TMEM236: variants seen among roughly 807,000 people sequenced by gnomAD.
TMEM236 encodes family with sequence similarity 23, member A.
In TMEM236, 11 loss-of-function variants were observed where a neutral mutation model predicts 14.7. The observed-to-expected ratio is 0.75, with a 90% CI of 0.47 to 1.24. The LOEUF is 1.24. Among genes scored for constraint, TMEM236 ranks in the 50% most tolerant of loss-of-function variants. TMEM236 has a pLI of 0.00. For missense variants in TMEM236, 464 were observed against 427.3 expected, an observed-to-expected ratio of 1.09 and a Z score of -0.76; for synonymous variants, 182 against 168.6, an observed-to-expected ratio of 1.08 and a Z score of -0.62.
chr10:17,796,368 G>GTT lies in TMEM236; in HGVS notation c.922_923dup (p.Leu308PhefsTer2). ...TTACCATTCGTTTTTGTTAGACTTG[G>GTT]TTTAATCATTGCCCTGGGGACTATC... On this transcript the variant is annotated frameshift_variant, in exon 4 of 4. Coordinates refer to ENST00000377495, the MANE Select transcript of TMEM236 (RefSeq NM_001098844.3). LOFTEE classifies it low-confidence loss of function (END_TRUNC). 1 of 1,613,906 alleles carries GTT rather than the reference G, an allele frequency of 6.2e-7. No individual in the cohort carries two copies. The highest frequency in any genetic ancestry group is 8.5e-7 in the Non-Finnish European group (1 of 1,179,856).
chr10:17,773,400 T>C (rs987062340), intron 2 of TMEM236, among the ~76,000 whole-genome samples: 20 of 152,158 alleles, frequency 1.3e-4, no homozygotes, highest in African/African-American at 4.8e-4. Flanking sequence ...GTGGTGCGTG[T>C]GATCTTGGCT....
At chr10:17,773,861 A>G (rs1379322341) in intron 2 of TMEM236, among the ~76,000 whole-genome samples, 1 of 152,100 alleles carries the variant, frequency 6.6e-6, no homozygotes, top group Non-Finnish European at 1.5e-5. Context: ...TCTTTATGTA[A>G]CTTGTCTTCA....
intron 1 of TMEM236, among the ~76,000 whole-genome samples, chr10:17,756,300 A>ATTT (rs1388119547): frequency 1.4e-4 from 21 of 150,468 alleles, no homozygotes; most frequent in African/African-American, 3.9e-4. Flanking sequence ...CTCATAAAGT[A>ATTT]TTTTTTTTCT....
intron 3 of TMEM236, among the ~76,000 whole-genome samples, chr10:17,781,204 T>C (rs901076013): frequency 0.086 from 13,037 of 152,188 alleles, 601 homozygotes; most frequent in Non-Finnish European, 0.1. Flanking sequence ...GGCTGCTGTT[T>C]GTTAGAAAAT....
intron 3 of TMEM236, among the ~76,000 whole-genome samples, chr10:17,784,028 T>C (rs1190143211): frequency 2.0e-5 from 3 of 152,182 alleles, no homozygotes; most frequent in Non-Finnish European, 4.4e-5. Flanking sequence ...AGTGTATGTT[T>C]CAGGGTTCTC....
At position 17,797,288 on chromosome 10, in the gene TMEM236, G is replaced by A. The variant is rs1263139927; in HGVS notation, c.*784G>A. The A allele has an allele frequency of 1.4e-5, 2 of 147,788 alleles. No homozygotes were observed. Among genetic ancestry groups the A allele is most frequent in the African/African-American group, 5.1e-5 (2 of 38,876 alleles). 9.2% of individuals were successfully genotyped at this position (147,788 alleles called of 1,614,324 possible). A position where few individuals can be genotyped will look rare whatever the true frequency, so the allele number is the denominator to read the frequency against. ...CTTGAAATTATTGAATAATTTTTAG[G>A]TTATACTTTTTTTTTTTTTTTTGAG... is the stretch of plus-strand genomic sequence containing the variant. On this transcript the variant is annotated 3_prime_UTR_variant, in exon 4 of 4. Coordinates refer to ENST00000377495, the MANE Select transcript of TMEM236 (RefSeq NM_001098844.3).
chr10:17,784,534 T>G (rs1196565667), intron 3 of TMEM236, among the ~76,000 whole-genome samples: 1 of 152,202 alleles, frequency 6.6e-6, no homozygotes, highest in Non-Finnish European at 1.5e-5. Context: ...GCAGTGCTTC[T>G]CATCCTTGGC....
At chr10:17,791,077 GTCTT>G (rs1837916892) in intron 3 of TMEM236, among the ~76,000 whole-genome samples, 1 of 152,142 alleles carries the variant, frequency 6.6e-6, no homozygotes, top group Non-Finnish European at 1.5e-5. Context: ...TCAAGTTCTG[GTCTT>G]TCTACTTGCT....
chr10:17,793,666 A>G (rs1167530115), intron 3 of TMEM236, among the ~76,000 whole-genome samples: 1 of 151,910 alleles, frequency 6.6e-6, no homozygotes, highest in Non-Finnish European at 1.5e-5. Context: ...TTGTATTTTT[A>G]GTAGAAATGG....
At chr10:17,757,619 T>C (rs1837302410) in intron 1 of TMEM236, among the ~76,000 whole-genome samples, 1 of 149,436 alleles carries the variant, frequency 6.7e-6, no homozygotes, top group Non-Finnish European at 1.5e-5. Context: ...AAAAAAGCTA[T>C]GTAATGGGGG....
rs974445539 is a variant in TMEM236 at position 17,779,381 on chromosome 10, A to G, written c.472+3211A>G. Among the ~76,000 whole-genome samples the G allele has an allele frequency of 7.0e-4, 106 of 151,952 alleles. 1 individual carries two copies. The East Asian group carries it at 0.018, about 26-fold the overall frequency. On this transcript the variant is annotated intron_variant, in intron 3 of 3. Coordinates refer to ENST00000377495, the MANE Select transcript of TMEM236 (RefSeq NM_001098844.3). ...TTCAGCTTTGTAGGCAGAGTGACCCATCTTGGTGGGGTACACACTGGTTTG... is the reference window on the plus strand; with the variant it reads ...TTCAGCTTTGTAGGCAGAGTGACCCGTCTTGGTGGGGTACACACTGGTTTG...
chr10:17,782,019 T>C (rs985729828), intron 3 of TMEM236, among the ~76,000 whole-genome samples: 120 of 152,076 alleles, frequency 7.9e-4, no homozygotes, highest in Non-Finnish European at 1.5e-3. Flanking sequence ...GCCAACTCTC[T>C]CTCCAGGCCC....
intron 3 of TMEM236, among the ~76,000 whole-genome samples, chr10:17,792,223 G>T (rs918828337): frequency 1.2e-4 from 18 of 152,170 alleles, no homozygotes; most frequent in Admixed American, 3.3e-4. Flanking sequence ...GAGTAGCAGG[G>T]ATTACACACG....
At chr10:17,765,705 G>A (rs1837452317) in intron 1 of TMEM236, among the ~76,000 whole-genome samples, 1 of 152,186 alleles carries the variant, frequency 6.6e-6, no homozygotes. Context: ...ATAATCCTCT[G>A]TGTCTTGATG....
At position 17,771,311 on chromosome 10, in the gene TMEM236, G is replaced by C. The variant is rs1554834795; in HGVS notation, c.260G>C (p.Arg87Thr). The C allele has an allele frequency of 3.1e-6, 5 of 1,613,736 alleles. No homozygotes were observed. Among genetic ancestry groups the C allele is most frequent in the Non-Finnish European group, 3.4e-6 (4 of 1,179,792 alleles). The change falls in exon 2 of 4, where the codon AGA (arginine) becomes ACA (threonine). Residue 87 changes from arginine to threonine, a missense_variant and splice_region_variant. Arg to Thr is a moderately conservative substitution (Grantham distance 71). Transcript: ENST00000377495. ...GCTTATTTTTTCTCCTTTGCTAGGA[G>C]ACCTGTTCTGATGATGTGTGTGGTC... ...RYIYRKIKGW[R>T]PVLMMCVVLT... is the part of the protein sequence containing the mutation.
chr10:17,771,528 A>G (rs1837573245), intron 2 of TMEM236, 147 bp downstream of exon 2: 7 of 783,904 alleles, frequency 8.9e-6, no homozygotes, highest in Non-Finnish European at 1.5e-5. Flanking sequence ...TGTTATTTAA[A>G]GTACTGAGAT....
chr10:17,794,076 CACTTAA>C (rs1287378401), intron 3 of TMEM236, among the ~76,000 whole-genome samples: 42 of 152,246 alleles, frequency 2.8e-4, no homozygotes, highest in African/African-American at 9.4e-4. Flanking sequence ...GCTCAATTCA[CACTTAA>C]ACTTTAAAAC....
rs1367525051 is a variant in TMEM236, at chr10:17,796,604, A to G, written c.*100A>G. 9.2e-7 allele frequency: 1 copy of G among 1,087,874 alleles called. No homozygotes were observed. Among genetic ancestry groups the G allele is most frequent in the Non-Finnish European group, 1.4e-6 (1 of 728,052 alleles). The allele number at this position is 1,087,874 out of a possible 1,614,324, so 67.4% of individuals were successfully genotyped here. A position where few individuals can be genotyped will look rare whatever the true frequency, so the allele number is the denominator to read the frequency against. ...GCGTAGGTGTTTGCACTATAAAGGA[A>G]ATGACTAGATTGTAGAGAATAAGCC... On this transcript the variant is annotated 3_prime_UTR_variant, in exon 4 of 4. Coordinates refer to ENST00000377495, the MANE Select transcript of TMEM236 (RefSeq NM_001098844.3).
At position 17,773,194 on chromosome 10, in the gene TMEM236, C is replaced by G. The variant is rs1051867610; in HGVS notation, c.330+1813C>G. Among the ~76,000 whole-genome samples, 573 of 152,218 alleles carry G rather than the reference C, an allele frequency of 3.8e-3. 1 individual carries two copies. Among genetic ancestry groups the G allele is most frequent in the African/African-American group, 0.013 (539 of 41,530 alleles). On this transcript the variant is annotated intron_variant, in intron 2 of 3. Transcript: ENST00000377495. ...TTTCTGTTGGTTATGTATGCAGGAG[C>G]AGAACTGATGGATCATGAGATATTG...
Sources: gnomAD v4.1 joint callset for allele counts (sites outside exome capture counted in the v4.1 genomes callset) on GRCh38, gnomAD v4.1.1 for gene constraint, MANE v1.5 for transcripts, NCBI Gene and HGNC (gene_info 2026-07-23, HGNC 2026-07-21) for gene names.